The following AKAP6 variants were observed in gnomAD, a reference collection of about 807,000 sequenced individuals.
AKAP6 encodes A-kinase anchor protein 6.
In AKAP6, 58 loss-of-function variants were observed where a neutral mutation model predicts 188.5. That is an observed-to-expected ratio of 0.31 (90% CI 0.25 to 0.38). The LOEUF is 0.38. Among genes scored for constraint, AKAP6 ranks in the 10% least tolerant of loss-of-function variants. AKAP6 has a pLI of 1.00. For synonymous variants in AKAP6, 989 were observed against 998.6 expected, an observed-to-expected ratio of 0.99 and a Z score of 0.18; for missense variants, 2,710 against 2,740.0, an observed-to-expected ratio of 0.99 and a Z score of 0.24.
At chr14:32,506,551 G>A (rs1282697321) in intron 2 of AKAP6, among the ~76,000 whole-genome samples, 1 of 152,136 alleles carries the variant, frequency 6.6e-6, no homozygotes, top group Non-Finnish European at 1.5e-5. Flanking sequence ...AAATAGAACT[G>A]TGGCTTTTGG....
At chr14:32,685,385 G>A (rs1190904153) in intron 8 of AKAP6, among the ~76,000 whole-genome samples, 1 of 152,074 alleles carries the variant, frequency 6.6e-6, no homozygotes, top group Non-Finnish European at 1.5e-5. Flanking sequence ...AGTGGAGGAG[G>A]GAACATCTGA....
intron 11 of AKAP6, among the ~76,000 whole-genome samples, chr14:32,756,170 C>T (rs1276232588): frequency 6.6e-6 from 1 of 152,050 alleles, no homozygotes; most frequent in Non-Finnish European, 1.5e-5. Flanking sequence ...CTGGGATGAG[C>T]CTGGAGCTAG....
chr14:32,491,857 G>T (rs1297842104), intron 2 of AKAP6, among the ~76,000 whole-genome samples: 1 of 152,126 alleles, frequency 6.6e-6, no homozygotes, highest in African/African-American at 2.4e-5. Flanking sequence ...TATCTGCAGT[G>T]ATTCATGACT....
At chr14:32,742,690 TG>T (rs1296472651) in intron 11 of AKAP6, among the ~76,000 whole-genome samples, 1 of 152,092 alleles carries the variant, frequency 6.6e-6, no homozygotes, top group Non-Finnish European at 1.5e-5. Context: ...AAATTTTTCT[TG>T]TTATTGATTT....
chr14:32,701,167 G>A (rs927576625), intron 9 of AKAP6, among the ~76,000 whole-genome samples: 13 of 151,886 alleles, frequency 8.6e-5, no homozygotes, highest in African/African-American at 2.9e-4. Flanking sequence ...TGAATTTGGG[G>A]TTATTTATAA....
chr14:32,560,926 G>A (rs912258752), intron 4 of AKAP6, among the ~76,000 whole-genome samples: 2 of 152,088 alleles, frequency 1.3e-5, no homozygotes, highest in Non-Finnish European at 2.9e-5. Context: ...TATTCACTTA[G>A]TACATCACTT....
intron 1 of AKAP6, among the ~76,000 whole-genome samples, chr14:32,384,539 A>G (rs1440515264): frequency 6.6e-6 from 1 of 152,208 alleles, no homozygotes; most frequent in Non-Finnish European, 1.5e-5. Context: ...CCTCAATGCC[A>G]TTTCTTGAGT....
chr14:32,606,507 C>A (rs746533143), intron 7 of AKAP6, among the ~76,000 whole-genome samples: 3 of 152,178 alleles, frequency 2.0e-5, no homozygotes, highest in Non-Finnish European at 4.4e-5. Context: ...ACTTATCCAA[C>A]CTTACATCAC....
intron 9 of AKAP6, among the ~76,000 whole-genome samples, chr14:32,712,229 T>G (rs575803410): frequency 6.6e-6 from 1 of 152,000 alleles, no homozygotes; most frequent in Non-Finnish European, 1.5e-5. Context: ...AATAGCATTA[T>G]GTCTAAAAAT....
At chr14:32,421,882 A>C (rs1957010) in intron 1 of AKAP6, among the ~76,000 whole-genome samples, 5,568 of 152,272 alleles carry the variant, frequency 0.037, 124 homozygotes, top group Middle Eastern at 0.099. Context: ...CCAGTGTATG[A>C]GGAGCCAAAT....
chr14:32,364,840 C>G (rs1887778664), intron 1 of AKAP6, among the ~76,000 whole-genome samples: 1 of 152,042 alleles, frequency 6.6e-6, no homozygotes. Context: ...ACAGTGGGGT[C>G]CCTTTTCTAA....
intron 9 of AKAP6, among the ~76,000 whole-genome samples, chr14:32,722,994 G>T (rs148947662): frequency 2.5e-4 from 38 of 152,292 alleles, no homozygotes; most frequent in African/African-American, 8.9e-4. Context: ...ACCCCTAGAT[G>T]CTGCCGCGGG....
intron 12 of AKAP6, among the ~76,000 whole-genome samples, chr14:32,784,494 T>C (rs773239811): frequency 2.0e-5 from 3 of 152,144 alleles, no homozygotes; most frequent in African/African-American, 7.2e-5. Flanking sequence ...TGAGGAGACA[T>C]GTTTCTGTTT....
At chr14:32,593,733 A>G (rs1280061289) in intron 5 of AKAP6, among the ~76,000 whole-genome samples, 3 of 152,226 alleles carry the variant, frequency 2.0e-5, no homozygotes, top group Non-Finnish European at 4.4e-5. Flanking sequence ...AAATAAGGAA[A>G]TAGAAGCCAC....
At chr14:32,446,654 T>C (rs1361499280) in intron 2 of AKAP6, among the ~76,000 whole-genome samples, 2 of 152,066 alleles carry the variant, frequency 1.3e-5, no homozygotes, top group Non-Finnish European at 2.9e-5. Context: ...CCTATAGATC[T>C]ACAAGCAACT....
intron 11 of AKAP6, among the ~76,000 whole-genome samples, chr14:32,758,633 T>A (rs564713801): frequency 4.5e-4 from 69 of 152,188 alleles, no homozygotes; most frequent in African/African-American, 1.6e-3. Flanking sequence ...CTTGGGAGGC[T>A]GAGGCAGGAG....
At chr14:32,693,477 ATC>A in intron 8 of AKAP6, 1 of 152,132 alleles carries the variant, frequency 6.6e-6, no homozygotes. Flanking sequence ...CTAACCGAAG[ATC>A]TCTCTCTGTC....
At chr14:32,760,125 T>C (rs2032488045) in intron 11 of AKAP6, among the ~76,000 whole-genome samples, 1 of 152,198 alleles carries the variant, frequency 6.6e-6, no homozygotes, top group Admixed American at 6.5e-5. Flanking sequence ...AACAAGGTTG[T>C]TTCATGCAAA....
chr14:32,783,625 A>G (rs142385487), intron 12 of AKAP6, among the ~76,000 whole-genome samples: 1 of 152,302 alleles, frequency 6.6e-6, no homozygotes, highest in African/African-American at 2.4e-5. Flanking sequence ...AGAACCAAAC[A>G]ATGCTAATAA....
Sources: allele counts gnomAD v4.1 joint callset (sites outside exome capture counted in the v4.1 genomes callset), GRCh38; gene constraint gnomAD v4.1.1; transcripts MANE v1.5; gene names NCBI Gene and HGNC (gene_info 2026-07-23, HGNC 2026-07-21).